BRINP3: variants seen among roughly 807,000 people sequenced by gnomAD.
The protein encoded by BRINP3 is BMP/retinoic acid inducible neural specific 3.
BRINP3 carries 19 observed loss-of-function variants against 71.0 expected under a neutral mutation model. The ratio of observed to expected loss-of-function variants is 0.27; its 90% CI spans 0.19 to 0.39. The LOEUF (loss-of-function observed/expected upper bound fraction) is 0.39, where lower values mean the gene tolerates loss of function less well. Among genes scored for constraint, BRINP3 ranks in the 10% least tolerant of loss-of-function variants. The probability of loss-of-function intolerance (pLI) is 1.00; values close to 1 mark genes in which losing one functional copy is unlikely to be tolerated. For missense variants in BRINP3, 959 were observed against 940.8 expected (o/e 1.02, Z -0.25); for synonymous variants, 380 against 337.7 (o/e 1.13, Z -1.37).
intron 2 of BRINP3, among the ~76,000 whole-genome samples, chr1:190,424,512 T>A (rs1673577132): frequency 6.6e-6 from 1 of 151,602 alleles, no homozygotes; most frequent in Non-Finnish European, 1.5e-5. Flanking sequence ...GTTTATACAT[T>A]CCTTTAATTC....
intron 7 of BRINP3, among the ~76,000 whole-genome samples, chr1:190,145,042 T>A (rs1183429845): frequency 1.3e-5 from 2 of 152,192 alleles, no homozygotes; most frequent in Non-Finnish European, 1.5e-5. Flanking sequence ...TTTTCTGGCT[T>A]ATTTTTTCCA....
In BRINP3 at chr1:190,098,322, ATGT is replaced by A; in HGVS notation, c.1994_1996del (p.Asn665del). 1 of 1,614,178 alleles carries A rather than the reference ATGT, an allele frequency of 6.2e-7. No individual in the cohort carries two copies. The highest frequency in any genetic ancestry group is 8.5e-7 in the Non-Finnish European group (1 of 1,180,040). On this transcript the variant is annotated inframe_deletion, in exon 8 of 8. Transcript: ENST00000367462. ...GTGCATGCTGTAGCCAAACACTTGA[ATGT>A]TATTGATTTTCATATAGCCCAGGTT...
chr1:190,346,190 C>T (rs1028743801), intron 2 of BRINP3, among the ~76,000 whole-genome samples: 27 of 151,728 alleles, frequency 1.8e-4, no homozygotes, highest in Admixed American at 1.3e-4. Context: ...TTTAAAGACA[C>T]TTAAAATATA....
At chr1:190,271,488 A>T (rs749843831) in intron 3 of BRINP3, among the ~76,000 whole-genome samples, 3 of 151,568 alleles carry the variant, frequency 2.0e-5, no homozygotes, top group Non-Finnish European at 4.4e-5. Context: ...ATTCTCTTTT[A>T]TTCACCACTA....
intron 7 of BRINP3, among the ~76,000 whole-genome samples, chr1:190,146,410 C>T (rs867236443): frequency 1.3e-5 from 2 of 152,188 alleles, no homozygotes; most frequent in South Asian, 2.1e-4. Flanking sequence ...GCTACATACA[C>T]GTGAGTGTAT....
In BRINP3 at chr1:190,401,231, G is replaced by A. The variant is rs574041153; in HGVS notation, c.236+53424C>T. Among the ~76,000 whole-genome samples, 19 of 151,926 alleles carry A rather than the reference G, an allele frequency of 1.3e-4. No homozygotes were observed. In the East Asian group the frequency reaches 1.9e-3, roughly 16 times the overall value. ...AAATTAGCTGGGCATCGTGTTGGGC[G>A]CCTGTAATCCCAGCTACTTGGGAGG... On this transcript the variant is annotated intron_variant, in intron 2 of 7. Coordinates refer to ENST00000367462, the MANE Select transcript of BRINP3 (RefSeq NM_199051.3).
rs75334125 is a variant in BRINP3, at chr1:190,167,371, C to T, written c.962-6481G>A. Among the ~76,000 whole-genome samples the T allele has an allele frequency of 1.6e-4, 24 of 152,164 alleles. No individual in the cohort carries two copies. In the East Asian group the frequency reaches 4.5e-3, roughly 28 times the overall value. On this transcript the variant is annotated intron_variant, in intron 6 of 7. Transcript: ENST00000367462. ...TGACATTAGAAATTCCACCTCTGCC[C>T]ACCTAGAATGAAGTGTGTGTTGCAG...
intron 2 of BRINP3, among the ~76,000 whole-genome samples, chr1:190,442,913 T>A (rs1674928327): frequency 6.7e-6 from 1 of 150,308 alleles, no homozygotes; most frequent in Admixed American, 6.6e-5. Flanking sequence ...TATCTTTTTT[T>A]TTTTTTTTTT....
intron 7 of BRINP3, among the ~76,000 whole-genome samples, chr1:190,107,862 A>T (rs541284761): frequency 6.8e-6 from 1 of 146,430 alleles, no homozygotes; most frequent in South Asian, 2.1e-4. Flanking sequence ...TATGGCACTG[A>T]ATTTTTTTTA....
intron 2 of BRINP3, among the ~76,000 whole-genome samples, chr1:190,396,443 A>G (rs1473384728): frequency 6.6e-6 from 1 of 151,156 alleles, no homozygotes; most frequent in Non-Finnish European, 1.5e-5. Flanking sequence ...GACCAGCCAG[A>G]GTAGGTTTGA....
intron 7 of BRINP3, among the ~76,000 whole-genome samples, chr1:190,160,005 C>T (rs1657209423): frequency 6.6e-6 from 1 of 151,886 alleles, no homozygotes; most frequent in African/African-American, 2.4e-5. Flanking sequence ...ATATATATTT[C>T]TTGTGATAGT....
chr1:190,457,771 AAGT>A (rs917556931), intron 1 of BRINP3, among the ~76,000 whole-genome samples: 69 of 152,138 alleles, frequency 4.5e-4, no homozygotes, highest in African/African-American at 1.7e-3. Context: ...AGTGTTTTAA[AAGT>A]AGGATACAGT....
chr1:190,472,790 G>C (rs2102715990), intron 1 of BRINP3, among the ~76,000 whole-genome samples: 1 of 149,412 alleles, frequency 6.7e-6, no homozygotes, highest in Admixed American at 6.7e-5. Flanking sequence ...TCAAATCTAG[G>C]AGTCAAGATA....
chr1:190,342,164 A>C (rs1667701231), intron 2 of BRINP3, among the ~76,000 whole-genome samples: 1 of 151,578 alleles, frequency 6.6e-6, no homozygotes, highest in Admixed American at 6.6e-5. Context: ...TCTACTTATA[A>C]GAATTACTGT....
chr1:190,271,829 G>T (rs1031572253), intron 3 of BRINP3, among the ~76,000 whole-genome samples: 45 of 151,598 alleles, frequency 3.0e-4, no homozygotes, highest in African/African-American at 1.1e-3. Context: ...CCCCAAAATA[G>T]CTGGAGCACA....
chr1:190,126,257 G>A (rs1557989286), intron 7 of BRINP3, among the ~76,000 whole-genome samples: 2 of 151,888 alleles, frequency 1.3e-5, no homozygotes. Context: ...AAATTTAACA[G>A]TTTATTTCAT....
intron 6 of BRINP3, among the ~76,000 whole-genome samples, chr1:190,210,704 G>A (rs1655906018): frequency 6.6e-6 from 1 of 151,994 alleles, no homozygotes; most frequent in Admixed American, 6.6e-5. Flanking sequence ...TTAGTGTGAT[G>A]GTTAATACTG....
chr1:190,434,695 C>T (rs1464906857), intron 2 of BRINP3, among the ~76,000 whole-genome samples: 1 of 151,518 alleles, frequency 6.6e-6, no homozygotes, highest in African/African-American at 2.4e-5. Context: ...CTTTCAGAAG[C>T]CCCAAGATTT....
At chr1:190,466,820 A>G (rs1273760486) in intron 1 of BRINP3, among the ~76,000 whole-genome samples, 1 of 151,656 alleles carries the variant, frequency 6.6e-6, no homozygotes, top group Admixed American at 6.6e-5. Flanking sequence ...GAGTTTATTA[A>G]TAATAAATTG....
Sources: allele counts gnomAD v4.1 joint callset (sites outside exome capture counted in the v4.1 genomes callset), GRCh38; gene constraint gnomAD v4.1.1; transcripts MANE v1.5; gene names NCBI Gene and HGNC (gene_info 2026-07-23, HGNC 2026-07-21).